RECQL5: variants seen among roughly 807,000 people sequenced by gnomAD.
RECQL5 encodes ATP-dependent DNA helicase Q5.
A neutral mutation model predicts 103.4 loss-of-function variants in RECQL5; 88 were observed. The observed-to-expected ratio is 0.85, with a 90% CI of 0.72 to 1.02. The LOEUF is 1.02. Ranked by LOEUF, RECQL5 falls within the 50% of genes least tolerant of loss-of-function variation. The pLI is 0.00. For synonymous variants in RECQL5, 552 were observed against 507.9 expected, an observed-to-expected ratio of 1.09 and a Z score of -1.17; for missense variants, 1,232 against 1,284.3, an observed-to-expected ratio of 0.96 and a Z score of 0.62.
At chr17:75,666,739 T>C in intron 1 of RECQL5, 168 bp from the exon 2 acceptor site, 2 of 639,426 alleles carry the variant, frequency 3.1e-6, no homozygotes, top group Non-Finnish European at 5.3e-6. Flanking sequence ...AATACATTCC[T>C]CAGTAATTAA....
chr17:75,644,238 G>C (rs986470663), intron 8 of RECQL5, among the ~76,000 whole-genome samples: 4 of 152,186 alleles, frequency 2.6e-5, no homozygotes, highest in African/African-American at 9.7e-5. Flanking sequence ...CCAGGAGGCA[G>C]AGGTTGCAGT....
rs777405598 is a variant in RECQL5, at chr17:75,662,632, G to A, written c.618C>T (p.Ala206=). The change falls in exon 4 of 20, where the codon GCC becomes GCT. Residue 206 remains alanine, a synonymous_variant. Coordinates refer to ENST00000317905, the MANE Select transcript of RECQL5 (RefSeq NM_004259.7). The part of the protein sequence containing the change: ...TPQVQEDVFA[A]LHLKKPVAIF... Reference sequence around the variant, plus strand: ...TGGCAACTGGTTTCTTCAGGTGCAGGGCAGCAAACACGTCCTCTTGGACCT... The same window carrying A: ...TGGCAACTGGTTTCTTCAGGTGCAGAGCAGCAAACACGTCCTCTTGGACCT... 3.1e-6 allele frequency: 5 copies of A among 1,614,192 alleles called. No individual in the cohort carries two copies. The highest frequency in any genetic ancestry group is 2.2e-5 in the East Asian group (1 of 44,888).
rs372190153 is a variant in RECQL5 at position 75,628,922 on chromosome 17, C to T, written c.2489+12G>A. 10 of 1,580,034 alleles carry T rather than the reference C, an allele frequency of 6.3e-6. No individual in the cohort carries two copies. In the African/African-American group the frequency reaches 1.2e-4, roughly 20 times the overall value. The stretch of plus-strand genomic sequence containing the variant: ...AGGTTCCAGAAGATTCTATGACTAC[C>T]TGTACCCTTACCTTGGCCTCTCCCT... On this transcript the variant is annotated intron_variant, in intron 16 of 19. Transcript: ENST00000317905.
Position 75,658,283 on chromosome 17 carries a change from C to T in RECQL5, c.1149+15G>A. ...GTGGGTCAGACTGAAAGACCTTCTA[C>T]TGCCCAAGCCTTACCTGGAGTTTTG... is the stretch of plus-strand genomic sequence containing the variant. On this transcript the variant is annotated intron_variant, in intron 7 of 19. Transcript: ENST00000317905. The T allele has an allele frequency of 1.9e-6, 3 of 1,609,926 alleles. No homozygotes were observed. Among genetic ancestry groups the T allele is most frequent in the Non-Finnish European group, 1.7e-6 (2 of 1,177,452 alleles).
At chr17:75,631,876 C>T (rs1174709033) in intron 8 of RECQL5, among the ~76,000 whole-genome samples, 1 of 152,266 alleles carries the variant, frequency 6.6e-6, no homozygotes, top group Non-Finnish European at 1.5e-5. Context: ...AACCAACTTT[C>T]CCAAGGTCAC....
At position 75,629,026 on chromosome 17, in the gene RECQL5, C is replaced by G. The variant is rs964422067; in HGVS notation, c.2397G>C (p.Met799Ile). 1.9e-6 allele frequency: 3 copies of G among 1,584,620 alleles called. No homozygotes were observed. In the African/African-American group the frequency reaches 4.1e-5, roughly 21 times the overall value. The stretch of plus-strand genomic sequence containing the variant: ...CCTCCCCTGTGTACTTCTCTGGGGC[C>G]ATCGGGGGTCCCTGAACCCCCTCAC... ...PSCEGVQGPP[M>I]APEKYTGEED... is the part of the protein sequence containing the mutation. The change falls in exon 16 of 20, where the codon ATG (methionine) becomes ATC (isoleucine). Residue 799 changes from methionine to isoleucine, a missense_variant. By Grantham distance (10) the Met-to-Ile change is conservative. Transcript: ENST00000317905.
intron 8 of RECQL5, among the ~76,000 whole-genome samples, chr17:75,644,342 T>C (rs188493192): frequency 2.7e-5 from 4 of 150,550 alleles, no homozygotes; most frequent in Non-Finnish European, 5.9e-5. Context: ...ACCAGCATAG[T>C]ATATCACATG....
chr17:75,628,045 C>A (rs1598973938), intron 18 of RECQL5, among the ~76,000 whole-genome samples, 173 bp downstream of exon 18: 2 of 152,020 alleles, frequency 1.3e-5, no homozygotes, highest in East Asian at 1.9e-4. Context: ...CTGCCCTGAC[C>A]CCCAGAGCAA....
chr17:75,666,333 G>A, intron 2 of RECQL5, 95 bp downstream of exon 2: 2 of 1,393,714 alleles, frequency 1.4e-6, no homozygotes, highest in Admixed American at 4.2e-5. Context: ...TGGACCAAAG[G>A]TGAGGCAGTA....
chr17:75,663,481 G>A (rs2059726182), intron 3 of RECQL5, among the ~76,000 whole-genome samples: 2 of 152,294 alleles, frequency 1.3e-5, no homozygotes, highest in South Asian at 4.1e-4. Flanking sequence ...TCAGAAAGGT[G>A]TGGAACTTTC....
intron 8 of RECQL5, chr17:75,646,660 T>A (rs1249210190): frequency 6.6e-6 from 1 of 152,318 alleles, no homozygotes; most frequent in Non-Finnish European, 1.5e-5. Context: ...AACAGTTGCT[T>A]CTTTGAGTCA....
Position 75,635,335 on chromosome 17 carries a change from CCCCA to C in RECQL5, c.1230-3671_1230-3668del, listed in dbSNP as rs1388484304. ...CCCAGTGGCTGTCACTCACAAGACG[CCCCA>C]GGCAGGCAGGTGGGGATCCCTGTCC... On this transcript the variant is annotated intron_variant, in intron 8 of 19. Coordinates refer to ENST00000317905, the MANE Select transcript of RECQL5 (RefSeq NM_004259.7). Among the ~76,000 whole-genome samples the C allele has an allele frequency of 2.6e-5, 4 of 152,278 alleles. No homozygotes were observed. The East Asian group carries it at 7.7e-4, about 29-fold the overall frequency.
At position 75,630,848 on chromosome 17, in the gene RECQL5, G is replaced by GC. The variant is rs748607605; in HGVS notation, c.1586-12_1586-11insG. ...GGGGACAGTTCTCATCTGTGGGGGG[G>GC]GGGGGTGGTCCTTGGTCCTTTCGCT... On this transcript the variant is annotated splice_polypyrimidine_tract_variant and intron_variant, in intron 11 of 19. Coordinates refer to ENST00000317905, the MANE Select transcript of RECQL5 (RefSeq NM_004259.7). 7.5e-6 allele frequency: 11 copies of GC among 1,457,010 alleles called. No homozygotes were observed. Among genetic ancestry groups the GC allele is most frequent in the East Asian group, 4.9e-5 (2 of 41,172 alleles). The allele number at this position is 1,457,010 out of a possible 1,614,324, so 90.3% of individuals were successfully genotyped here.
chr17:75,664,054 CAAAA>C (rs34569441), intron 3 of RECQL5, among the ~76,000 whole-genome samples: 2 of 105,710 alleles, frequency 1.9e-5, no homozygotes, highest in African/African-American at 3.4e-5. Context: ...AACTCCATCT[CAAAA>C]AAAAAAAAAA....
chr17:75,647,513 G>A (rs2059503453), intron 8 of RECQL5: 4 of 1,550,392 alleles, frequency 2.6e-6, no homozygotes, highest in Non-Finnish European at 3.5e-6. Flanking sequence ...ATCGTGTTTG[G>A]TTTACTCACT....
In RECQL5 at chr17:75,628,230, CTT is replaced by C; in HGVS notation, c.2791_2792del (p.Lys931ValfsTer8). ...KCLTPFYKEG[K>X]FASKELFKGF... ...TCACTCCCCCTACCTTGGAAGCAAA[CTT>C]GCCCTCCTTGTAGAAAGGGGTGAGG... On this transcript the variant is annotated frameshift_variant, in exon 18 of 20. Transcript: ENST00000317905. LOFTEE classifies it high-confidence loss of function. 6.2e-7 allele frequency: 1 copy of C among 1,614,008 alleles called. No homozygotes were observed. Among genetic ancestry groups the C allele is most frequent in the Non-Finnish European group, 8.5e-7 (1 of 1,179,934 alleles).
At chr17:75,649,659 C>T (rs749801675) in intron 8 of RECQL5, 109 of 985,354 alleles carry the variant, frequency 1.1e-4, no homozygotes, top group African/African-American at 2.1e-4. Context: ...TTGTGCTACA[C>T]GCCAGTTATG....
In RECQL5 at chr17:75,627,672, G is replaced by C; in HGVS notation, c.2826C>G (p.Ala942=). The change falls in exon 19 of 20, where the codon GCC becomes GCG. Residue 942 remains alanine (A), a synonymous_variant. Coordinates refer to ENST00000317905, the MANE Select transcript of RECQL5 (RefSeq NM_004259.7). The stretch of plus-strand genomic sequence containing the variant: ...GAGTCAGCAAGTGTGAGAGGTGGCG[G>C]GCAAAGCCTTTAAACAACTCCTGGA... ...FASKELFKGF[A]RHLSHLLTQK... is the part of the protein sequence containing the mutation. 2 of 1,609,640 alleles carry C rather than the reference G, an allele frequency of 1.2e-6. No homozygotes were observed. Among genetic ancestry groups the C allele is most frequent in the Non-Finnish European group, 1.7e-6 (2 of 1,177,878 alleles).
intron 8 of RECQL5, chr17:75,647,687 C>T: frequency 1.0e-6 from 1 of 960,894 alleles, no homozygotes; most frequent in East Asian, 2.6e-5. Context: ...CTTCCTTTCC[C>T]ATCAGGAAAA....
Sources: gnomAD v4.1 joint callset for allele counts (sites outside exome capture counted in the v4.1 genomes callset) on GRCh38, gnomAD v4.1.1 for gene constraint, MANE v1.5 for transcripts, NCBI Gene and HGNC (gene_info 2026-07-23, HGNC 2026-07-21) for gene names.